Variants in COX7B2 observed in about 807,000 individuals in gnomAD.
COX7B2 encodes the protein cytochrome c oxidase subunit 7B2, mitochondrial.
For missense variants in COX7B2, 109 were observed against 95.9 expected (o/e 1.14, Z -0.57); for synonymous variants, 37 against 32.1 (o/e 1.15, Z -0.51).
chr4:46,877,107 A>G (rs1343414735), intron 1 of COX7B2, among the ~76,000 whole-genome samples: 1 of 152,194 alleles, frequency 6.6e-6, no homozygotes, highest in Non-Finnish European at 1.5e-5. Flanking sequence ...TAAAATTCCT[A>G]AATACAAAAT....
intron 2 of COX7B2, among the ~76,000 whole-genome samples, chr4:46,788,944 A>C (rs1212545143): frequency 6.6e-6 from 1 of 152,126 alleles, no homozygotes; most frequent in Non-Finnish European, 1.5e-5. Context: ...TCTAATAAGC[A>C]CCATGCTCAC....
intron 2 of COX7B2, among the ~76,000 whole-genome samples, chr4:46,805,560 A>T (rs1718954464): frequency 6.6e-6 from 1 of 152,098 alleles, no homozygotes; most frequent in Admixed American, 6.5e-5. Context: ...AGACTACTGA[A>T]ATGCAAATTT....
intron 2 of COX7B2, among the ~76,000 whole-genome samples, chr4:46,771,174 T>C (rs1270023077): frequency 2.0e-5 from 3 of 152,176 alleles, no homozygotes; most frequent in African/African-American, 4.8e-5. Context: ...CATTTATCCA[T>C]AGAAGACATG....
intron 2 of COX7B2, among the ~76,000 whole-genome samples, chr4:46,824,711 C>T (rs1005919005): frequency 5.4e-5 from 8 of 147,006 alleles, no homozygotes; most frequent in Admixed American, 1.4e-4. Flanking sequence ...TCACCAAATG[C>T]AAGGTTGGCT....
intron 2 of COX7B2, among the ~76,000 whole-genome samples, chr4:46,746,004 G>A (rs770687655): frequency 5.3e-5 from 8 of 152,022 alleles, no homozygotes; most frequent in Non-Finnish European, 7.4e-5. Flanking sequence ...AAATTTCTAT[G>A]CAAATAGGCC....
At chr4:46,803,285 A>G (rs1185122472) in intron 2 of COX7B2, among the ~76,000 whole-genome samples, 10 of 152,204 alleles carry the variant, frequency 6.6e-5, no homozygotes. Context: ...ATCCTCCCAG[A>G]AAAAGATACA....
intron 2 of COX7B2, among the ~76,000 whole-genome samples, chr4:46,815,006 C>T (rs984343015): frequency 6.6e-6 from 1 of 151,830 alleles, no homozygotes; most frequent in African/African-American, 2.4e-5. Context: ...GCCAACACGG[C>T]GAAACCCCGT....
At chr4:46,754,718 G>GTCTATATATATA (rs1235318797) in intron 2 of COX7B2, among the ~76,000 whole-genome samples, 2 of 35,082 alleles carry the variant, frequency 5.7e-5, no homozygotes, top group African/African-American at 3.2e-4. Flanking sequence ...GTGTGTGTGT[G>GTCTATATATATA]TGTGTGTGTG....
At chr4:46,801,673 A>C (rs2109624994) in intron 2 of COX7B2, among the ~76,000 whole-genome samples, 1 of 152,268 alleles carries the variant, frequency 6.6e-6, no homozygotes, top group South Asian at 2.1e-4. Flanking sequence ...GCAACATACA[A>C]TTTACCCATG....
At chr4:46,897,763 A>T (rs1232258701) in intron 1 of COX7B2, among the ~76,000 whole-genome samples, 6 of 152,184 alleles carry the variant, frequency 3.9e-5, no homozygotes, top group Admixed American at 3.9e-4. Context: ...GTGTAAATTT[A>T]CATGGACACA....
intron 1 of COX7B2, among the ~76,000 whole-genome samples, chr4:46,861,854 G>A (rs1342786085): frequency 5.3e-5 from 8 of 152,002 alleles, no homozygotes; most frequent in Non-Finnish European, 1.0e-4. Context: ...AGTGTCCTCC[G>A]TCCCATGATT....
chr4:46,864,187 C>A (rs1717502473), intron 1 of COX7B2, among the ~76,000 whole-genome samples: 1 of 152,074 alleles, frequency 6.6e-6, no homozygotes, highest in Non-Finnish European at 1.5e-5. Context: ...ATGGAAGGGC[C>A]CCTATCAGGT....
At chr4:46,905,899 A>G (rs1393714131) in intron 1 of COX7B2, among the ~76,000 whole-genome samples, 2 of 127,062 alleles carry the variant, frequency 1.6e-5, no homozygotes, top group Non-Finnish European at 3.1e-5. Flanking sequence ...GCGCAATCTC[A>G]GCTCACTGCA....
At chr4:46,876,295 G>T (rs574665644) in intron 1 of COX7B2, among the ~76,000 whole-genome samples, 1 of 151,858 alleles carries the variant, frequency 6.6e-6, no homozygotes, top group Non-Finnish European at 1.5e-5. Flanking sequence ...AAAACTGTAG[G>T]TTAAATATAC....
chr4:46,879,557 C>T (rs1268817572), intron 1 of COX7B2, among the ~76,000 whole-genome samples: 2 of 151,996 alleles, frequency 1.3e-5, no homozygotes, highest in Non-Finnish European at 2.9e-5. Context: ...AGCCACCACA[C>T]CGAGACCTCT....
intron 2 of COX7B2, among the ~76,000 whole-genome samples, chr4:46,806,839 A>G (rs1719023464): frequency 6.6e-6 from 1 of 152,022 alleles, no homozygotes; most frequent in Non-Finnish European, 1.5e-5. Flanking sequence ...TGTTATAACA[A>G]AGGGCAAGAT....
At chr4:46,873,032 C>T (rs1164755280) in intron 1 of COX7B2, among the ~76,000 whole-genome samples, 1 of 123,878 alleles carries the variant, frequency 8.1e-6, no homozygotes, top group African/African-American at 3.1e-5. Flanking sequence ...TCCATGTGTT[C>T]TCATTGTTCA....
At chr4:46,751,256 T>G (rs1278582981) in intron 2 of COX7B2, among the ~76,000 whole-genome samples, 1 of 152,134 alleles carries the variant, frequency 6.6e-6, no homozygotes, top group African/African-American at 2.4e-5. Flanking sequence ...TTTCAATTAC[T>G]TCAAAGTGAC....
At chr4:46,839,531 G>A (rs1434624557) in intron 2 of COX7B2, among the ~76,000 whole-genome samples, 1 of 152,012 alleles carries the variant, frequency 6.6e-6, no homozygotes, top group Non-Finnish European at 1.5e-5. Flanking sequence ...CACCTACACT[G>A]TGTTATTGAA....
Sources: allele counts gnomAD v4.1 joint callset (sites outside exome capture counted in the v4.1 genomes callset), GRCh38; gene constraint gnomAD v4.1.1; transcripts MANE v1.5; gene names NCBI Gene and HGNC (gene_info 2026-07-23, HGNC 2026-07-21).